Variants in TAF1 observed in about 807,000 individuals in gnomAD.
TAF1 encodes TATA-box binding protein associated factor 1.
TAF1 carries 2 observed loss-of-function variants against 138.5 expected under a neutral mutation model. The observed-to-expected ratio is 0.01, with a 90% confidence interval of 0.01 to 0.05. TAF1 has a LOEUF of 0.05. Ranked by LOEUF, TAF1 falls within the 10% of genes least tolerant of loss-of-function variation. The probability of loss-of-function intolerance (pLI) is 1.00; values close to 1 mark genes in which losing one functional copy is unlikely to be tolerated. For synonymous variants in TAF1, 437 were observed against 503.2 expected, an observed-to-expected ratio of 0.87 and a Z score of 1.76; for missense variants, 709 against 1,478.0, an observed-to-expected ratio of 0.48 and a Z score of 8.53.
chrX:71,474,673 A>G (rs1055846775), intron 13 of TAF1, among the ~76,000 whole-genome samples: 11 of 112,327 alleles, frequency 9.8e-5, no homozygotes, highest in Admixed American at 1.9e-4. Flanking sequence ...GGAAAAGAAC[A>G]GACAATAAAC....
intron 23 of TAF1, 41 bp downstream of exon 23, chrX:71,397,507 A>T: frequency 1.7e-6 from 2 of 1,202,500 alleles, no homozygotes; most frequent in South Asian, 1.8e-5. Context: ...CTTTGAGGAC[A>T]GAGTCTTGCT....
At chrX:71,383,320 G>A (rs1474789460) in intron 12 of TAF1, among the ~76,000 whole-genome samples, 156 bp downstream of exon 12, 2 of 112,195 alleles carry the variant, frequency 1.8e-5, no homozygotes, top group Non-Finnish European at 3.8e-5. Flanking sequence ...TTTATTGTTA[G>A]GTGATGCATG....
chrX:71,426,522 G>A (rs1359799114), intron 32 of TAF1, among the ~76,000 whole-genome samples: 2 of 111,146 alleles, frequency 1.8e-5, no homozygotes, highest in Admixed American at 9.5e-5. Flanking sequence ...TTGAGACCAG[G>A]CTGACCAACA....
chrX:71,394,303 C>T (rs772874627), intron 22 of TAF1, 58 bp downstream of exon 22: 13 of 1,117,746 alleles, frequency 1.2e-5, no homozygotes, highest in Middle Eastern at 2.5e-4. Flanking sequence ...AAGGAGCCTA[C>T]GTAACTGCAG....
intron 13 of TAF1, among the ~76,000 whole-genome samples, chrX:71,514,499 C>CG (rs1223565392): frequency 1.0e-5 from 1 of 98,892 alleles, no homozygotes; most frequent in Non-Finnish European, 2.0e-5. Context: ...CACATGTAGG[C>CG]GGGGGCCTGA....
At chrX:71,367,052 C>A (rs1028627393) in intron 1 of TAF1, among the ~76,000 whole-genome samples, 2 of 112,026 alleles carry the variant, frequency 1.8e-5, no homozygotes, top group African/African-American at 6.5e-5. Flanking sequence ...GTGAAACTAC[C>A]CTGCCTTCAC....
intron 28 of TAF1, among the ~76,000 whole-genome samples, chrX:71,409,194 CT>C (rs1184388266): frequency 5.3e-4 from 55 of 103,013 alleles, no homozygotes; most frequent in East Asian, 1.2e-3. Flanking sequence ...ATCTGTTTGT[CT>C]TTTTTTTTTT....
chrX:71,497,484 T>G (rs755932985), intron 13 of TAF1, among the ~76,000 whole-genome samples: 1 of 111,489 alleles, frequency 9.0e-6, no homozygotes, highest in Non-Finnish European at 1.9e-5. Flanking sequence ...TGTATTATTT[T>G]GATAGCCTCT....
chrX:71,456,736 C>T (rs901762925), intron 34 of TAF1, among the ~76,000 whole-genome samples: 17 of 86,238 alleles, frequency 2.0e-4, no homozygotes, highest in African/African-American at 7.3e-4. Flanking sequence ...AGTGCAATGG[C>T]GCAATCTCGG....
At chrX:71,404,979 CAG>C (rs1342060797) in intron 25 of TAF1, among the ~76,000 whole-genome samples, 1 of 75,643 alleles carries the variant, frequency 1.3e-5, no homozygotes, top group African/African-American at 5.4e-5. Flanking sequence ...TTTTTTGAGA[CAG>C]AGTCTCGCTC....
intron 12 of TAF1, 142 bp downstream of exon 12, chrX:71,383,306 T>G (rs1002613916): frequency 1.5e-5 from 11 of 730,377 alleles, no homozygotes; most frequent in Non-Finnish European, 2.1e-5. Flanking sequence ...TTTAGGAGAA[T>G]GTCTTTATTG....
chrX:71,483,239 C>T (rs180917433), intron 13 of TAF1, among the ~76,000 whole-genome samples: 42 of 101,051 alleles, frequency 4.2e-4, no homozygotes, highest in Middle Eastern at 0.01. Context: ...CTTCCTGCCT[C>T]AGCCTCCCAA....
At chrX:71,484,464 C>T (rs1269097169) in intron 13 of TAF1, among the ~76,000 whole-genome samples, 3 of 109,616 alleles carry the variant, frequency 2.7e-5, no homozygotes, top group Non-Finnish European at 5.7e-5. Context: ...TCCCAAGTAA[C>T]TGAGATTACA....
chrX:71,401,921 C>T (rs1569306436), intron 25 of TAF1, among the ~76,000 whole-genome samples, 182 bp downstream of exon 25: 2 of 111,504 alleles, frequency 1.8e-5, no homozygotes, highest in Admixed American at 9.6e-5. Flanking sequence ...TAGGTTGTAC[C>T]ACTTGTTTTG....
chrX:71,420,318 G>A (rs2036263428), intron 28 of TAF1: 1 of 1,169,627 alleles, frequency 8.5e-7, no homozygotes, highest in Non-Finnish European at 1.2e-6. Context: ...GGCCAGGGAA[G>A]TCCTCACTGA....
intron 13 of TAF1, among the ~76,000 whole-genome samples, chrX:71,473,611 G>A (rs2038928557): frequency 9.1e-6 from 1 of 109,945 alleles, no homozygotes; most frequent in African/African-American, 3.3e-5. Flanking sequence ...CTAGGAGTTC[G>A]AGAAGGCTAC....
chrX:71,503,304 A>ATATATATATATGTG (rs2039550434), intron 13 of TAF1, among the ~76,000 whole-genome samples: 2 of 95,223 alleles, frequency 2.1e-5, no homozygotes, highest in African/African-American at 8.4e-5. Flanking sequence ...ATGTGTATAT[A>ATATATATATATGTG]TATATATATA....
chrX:71,410,364 C>T (rs1399730662), intron 28 of TAF1, among the ~76,000 whole-genome samples: 6 of 107,471 alleles, frequency 5.6e-5, no homozygotes, highest in Non-Finnish European at 9.6e-5. Flanking sequence ...CACACGTTTA[C>T]CTATGTAACA....
rs2148847458 is a variant in TAF1, at chrX:71,460,822, C to CT, written c.5399+20dup. The CT allele has an allele frequency of 6.0e-6, 7 of 1,173,205 alleles. No homozygotes were observed. In the South Asian group the frequency reaches 1.3e-4, roughly 22 times the overall value. ...ACATCAGGTAATCGACAGCAACATG[C>CT]TACAGGGCTGTGGCATCAGTGCCCA... On this transcript the variant is annotated intron_variant, in intron 37 of 37. Coordinates refer to ENST00000423759, the MANE Select transcript of TAF1 (RefSeq NM_004606.5).
Sources: allele counts gnomAD v4.1 joint callset (sites outside exome capture counted in the v4.1 genomes callset), GRCh38; gene constraint gnomAD v4.1.1; transcripts MANE v1.5; gene names NCBI Gene and HGNC (gene_info 2026-07-23, HGNC 2026-07-21).